The following CLTCL1 variants were observed in gnomAD, a reference collection of about 807,000 sequenced individuals.
CLTCL1 encodes clathrin heavy chain like 1.
CLTCL1 carries 159 observed loss-of-function variants against 190.0 expected under a neutral mutation model. The observed-to-expected ratio is 0.84, with a 90% CI of 0.74 to 0.95. The LOEUF (loss-of-function observed/expected upper bound fraction) is 0.95. Among genes scored for constraint, CLTCL1 ranks in the 40% least tolerant of loss-of-function variants. The pLI is 0.00. For synonymous variants in CLTCL1, 752 were observed against 769.6 expected, an observed-to-expected ratio of 0.98 and a Z score of 0.38; for missense variants, 1,878 against 2,033.4, an observed-to-expected ratio of 0.92 and a Z score of 1.47.
chr22:19,272,065 C>T (rs1337048885), intron 2 of CLTCL1, among the ~76,000 whole-genome samples: 1 of 152,168 alleles, frequency 6.6e-6, no homozygotes, highest in African/African-American at 2.4e-5. Flanking sequence ...GCCATGATCA[C>T]ATCACTGCAT....
At chr22:19,190,123 T>C (rs1285177533) in intron 27 of CLTCL1, among the ~76,000 whole-genome samples, 5 of 152,160 alleles carry the variant, frequency 3.3e-5, no homozygotes, top group African/African-American at 1.2e-4. Flanking sequence ...GTATTTTTAG[T>C]AGAGACGGGG....
At chr22:19,185,484 G>A (rs1277628574) in intron 29 of CLTCL1, among the ~76,000 whole-genome samples, 3 of 152,076 alleles carry the variant, frequency 2.0e-5, no homozygotes, top group Admixed American at 6.5e-5. Context: ...CTGCCACCAC[G>A]CCCAGCTACT....
chr22:19,196,245 G>A (rs1555935424), intron 26 of CLTCL1, 21 bp downstream of exon 26: 1 of 1,608,152 alleles, frequency 6.2e-7, no homozygotes, highest in Admixed American at 1.7e-5. Flanking sequence ...GCAGGAGCCA[G>A]CGCTCTGTAT....
chr22:19,196,706 C>G (rs782412858), intron 24 of CLTCL1, 50 bp from the exon 25 acceptor site: 3 of 1,570,540 alleles, frequency 1.9e-6, no homozygotes, highest in Non-Finnish European at 2.6e-6. Flanking sequence ...ATGCCTCCTG[C>G]AGCCACCCTC....
chr22:19,208,880 A>G (rs2085131616), intron 21 of CLTCL1, 42 bp downstream of exon 21: 2 of 1,491,716 alleles, frequency 1.3e-6, no homozygotes, highest in Admixed American at 2.2e-5. Context: ...CAGGTTTTGC[A>G]TCAGTGAGAT....
At chr22:19,287,888 C>T (rs1037993781) in intron 1 of CLTCL1, among the ~76,000 whole-genome samples, 2 of 152,192 alleles carry the variant, frequency 1.3e-5, no homozygotes, top group Admixed American at 6.5e-5. Context: ...GTCACAATGG[C>T]AGCAACAGCT....
rs145514163 is a variant in CLTCL1 at position 19,226,221 on chromosome 22, C to A, written c.1945G>T (p.Glu649Ter). 6.2e-7 allele frequency: 1 copy of A among 1,613,432 alleles called. No homozygotes were observed. The highest frequency in any genetic ancestry group is 1.3e-5 in the African/African-American group (1 of 75,018). ...AVVHTHLLNP[E>*]WLVNFFGSLS... is the part of the protein sequence containing the mutation. Reference sequence around the variant, plus strand: ...GAGTGCCCAGGGGTACACAGTACCTCGGGATTGAGGAGGTGAGTGTGGACC... The same window carrying A: ...GAGTGCCCAGGGGTACACAGTACCTAGGGATTGAGGAGGTGAGTGTGGACC... Residue 649 changes from glutamate (E) to a stop codon, truncating the protein, a stop_gained and splice_region_variant, in exon 12 of 33, where the codon GAG becomes TAG. Transcript: ENST00000427926. LOFTEE classifies it high-confidence loss of function.
chr22:19,202,563 C>G (rs2084931342), intron 22 of CLTCL1, among the ~76,000 whole-genome samples: 1 of 148,790 alleles, frequency 6.7e-6, no homozygotes, highest in Non-Finnish European at 1.5e-5. Flanking sequence ...ATGGCACCTC[C>G]CCTCCTTCCA....
chr22:19,279,785 G>C (rs2087642728), intron 1 of CLTCL1, among the ~76,000 whole-genome samples: 1 of 152,148 alleles, frequency 6.6e-6, no homozygotes, highest in African/African-American at 2.4e-5. Flanking sequence ...TTAATCTCTT[G>C]TTTCTTCTCA....
chr22:19,278,564 G>C (rs2087596930), intron 1 of CLTCL1, among the ~76,000 whole-genome samples: 1 of 152,140 alleles, frequency 6.6e-6, no homozygotes, highest in Non-Finnish European at 1.5e-5. Flanking sequence ...CTGATACTTA[G>C]TAAACCAGGA....
chr22:19,210,429 T>G lies in CLTCL1; in HGVS notation c.3146A>C (p.Asn1049Thr). 2 of 1,614,006 alleles carry G rather than the reference T, an allele frequency of 1.2e-6. No homozygotes were observed. Among genetic ancestry groups the G allele is most frequent in the Non-Finnish European group, 1.7e-6 (2 of 1,179,894 alleles). Residue 1049 changes from asparagine to threonine, a missense_variant, in exon 20 of 33, where the codon AAC (asparagine) becomes ACC (threonine). Transcript: ENST00000427926. ...GCTCGCGATGTCCAGTGCGTCATAG[T>G]TGTCCAGGCGGCTGATGTACTCCAT... Reference protein sequence around the residue: ...RVMEYISRLDNYDALDIASIA... With the variant: ...RVMEYISRLDTYDALDIASIA...
At chr22:19,230,218 C>T (rs2085878921) in intron 10 of CLTCL1, among the ~76,000 whole-genome samples, 1 of 152,022 alleles carries the variant, frequency 6.6e-6, no homozygotes, top group East Asian at 1.9e-4. Flanking sequence ...ATTCTCCTGC[C>T]TCAGCTTCCC....
intron 19 of CLTCL1, among the ~76,000 whole-genome samples, chr22:19,211,644 G>A (rs186109468): frequency 1.3e-5 from 2 of 151,990 alleles, no homozygotes; most frequent in African/African-American, 2.4e-5. Context: ...GCAGGCGCCT[G>A]TAGTCCCAGC....
At chr22:19,243,697 C>CTTTTT (rs1175325908) in intron 3 of CLTCL1, among the ~76,000 whole-genome samples, 1,070 of 107,816 alleles carry the variant, frequency 9.9e-3, no homozygotes, top group Non-Finnish European at 0.012. Context: ...TTCTTTCTTT[C>CTTTTT]TTTTTTTTTT....
intron 30 of CLTCL1, 70 bp from the exon 31 acceptor site, chr22:19,180,876 G>A (rs2084113662): frequency 1.4e-6 from 2 of 1,404,316 alleles, no homozygotes; most frequent in African/African-American, 1.4e-5. Flanking sequence ...TGAAAGTGGA[G>A]TGGAAGGTCA....
chr22:19,252,336 T>G (rs552677753), intron 3 of CLTCL1, among the ~76,000 whole-genome samples: 39 of 152,338 alleles, frequency 2.6e-4, no homozygotes, highest in African/African-American at 9.1e-4. Context: ...CTCTAAGTCT[T>G]GCCCCTCTAG....
At chr22:19,266,528 A>T (rs1457867212) in intron 2 of CLTCL1, among the ~76,000 whole-genome samples, 1 of 152,246 alleles carries the variant, frequency 6.6e-6, no homozygotes, top group Non-Finnish European at 1.5e-5. Context: ...TCCTTCACAG[A>T]TTCTTTCAGA....
Position 19,230,097 on chromosome 22 carries a change from G to GTTTTTTTTTTT in CLTCL1, c.1645-123_1645-122insAAAAAAAAAAA, listed in dbSNP as rs374875733. ...AATTCAGCAATTAGTTCCCTCCCTT[G>GTTTTTTTTTTT]GTTTTTTTTTTTTTTTTGAGATGGA... is the stretch of plus-strand genomic sequence containing the variant. On this transcript the variant is annotated intron_variant, in intron 10 of 32. Coordinates refer to ENST00000427926, the MANE Select transcript of CLTCL1 (RefSeq NM_007098.4). 1.1e-5 allele frequency: 6 copies of GTTTTTTTTTTT among 530,318 alleles called. 3 individuals carry two copies. Among genetic ancestry groups the GTTTTTTTTTTT allele is most frequent in the African/African-American group, 1.1e-4 (4 of 37,250 alleles). The allele number at this position is 530,318 out of a possible 1,614,324, so 32.9% of individuals were successfully genotyped here.
chr22:19,210,734 G>A (rs1463876829), intron 19 of CLTCL1, among the ~76,000 whole-genome samples: 1 of 152,212 alleles, frequency 6.6e-6, no homozygotes, highest in Non-Finnish European at 1.5e-5. Context: ...GAATCAGAAT[G>A]TGCCAATCAA....
Sources: gnomAD v4.1 joint callset for allele counts (sites outside exome capture counted in the v4.1 genomes callset) on GRCh38, gnomAD v4.1.1 for gene constraint, MANE v1.5 for transcripts, NCBI Gene and HGNC (gene_info 2026-07-23, HGNC 2026-07-21) for gene names.